Variants in CABP1 observed in about 807,000 individuals in gnomAD.
CABP1 encodes the protein calcium binding protein 1, also known as calcium-binding protein 1.
Under a neutral mutation model 34.3 loss-of-function variants are expected in CABP1, and 17 were observed. The observed-to-expected ratio is 0.50, with a 90% CI of 0.34 to 0.74. The LOEUF (loss-of-function observed/expected upper bound fraction) is 0.74. CABP1 is among the 30% of genes least tolerant of loss of function. The probability of loss-of-function intolerance (pLI) is 0.01; values close to 1 mark genes in which losing one functional copy is unlikely to be tolerated. For missense variants in CABP1, 373 were observed against 511.1 expected (o/e 0.73, Z 2.61); for synonymous variants, 198 against 229.2 (o/e 0.86, Z 1.23).
At chr12:120,647,439 T>A (rs1879590389) in intron 1 of CABP1, among the ~76,000 whole-genome samples, 1 of 151,302 alleles carries the variant, frequency 6.6e-6, no homozygotes, top group Admixed American at 6.6e-5. Flanking sequence ...TCCAGGCTGG[T>A]CTCGAACTCC....
chr12:120,649,231 C>T (rs1036845664), intron 1 of CABP1, among the ~76,000 whole-genome samples: 1 of 152,162 alleles, frequency 6.6e-6, no homozygotes, highest in Non-Finnish European at 1.5e-5. Context: ...GCGCCCCCAC[C>T]CATCTTCCTA....
intron 1 of CABP1, among the ~76,000 whole-genome samples, chr12:120,644,801 C>T (rs1879474238): frequency 6.6e-6 from 1 of 152,126 alleles, no homozygotes; most frequent in African/African-American, 2.4e-5. Context: ...TCCTTAGCTC[C>T]TGTGGTTTGT....
downstream of CABP1, among the ~76,000 whole-genome samples, chr12:120,671,436 C>T (rs564410265): frequency 3.3e-5 from 5 of 152,278 alleles, no homozygotes; most frequent in Admixed American, 2.0e-4. Context: ...GCAAAGGCCC[C>T]GAGGTAAGGG....
At position 120,641,429 on chromosome 12, in the gene CABP1, C is replaced by T. The variant is rs1245971404; in HGVS notation, c.654+90C>T. On this transcript the variant is annotated intron_variant, in intron 1 of 5. Coordinates refer to ENST00000316803, the MANE Select transcript of CABP1 (RefSeq NM_001033677.2). This position sits in a 1 kb window ranked among gnomAD's most constrained non-coding sequence, Gnocchi z 6.7. ...GCGCGTCCACAGCCTCCTCCCGCGG[C>T]CCGTGGTCCCCCACGGATCACGCCT... is the stretch of plus-strand genomic sequence containing the variant. 9.1e-6 allele frequency: 11 copies of T among 1,206,930 alleles called. No homozygotes were observed. The highest frequency in any genetic ancestry group is 6.4e-5 in the East Asian group (2 of 31,300). 74.8% of individuals were successfully genotyped at this position (1,206,930 alleles called of 1,614,324 possible).
chr12:120,648,890 A>G (rs1005355792), intron 1 of CABP1, among the ~76,000 whole-genome samples: 4 of 151,510 alleles, frequency 2.6e-5, no homozygotes, highest in Non-Finnish European at 4.4e-5. Flanking sequence ...AAAAAAAAAA[A>G]AAAAAGAAGC....
chr12:120,655,708 T>C (rs148586612), intron 1 of CABP1: 41 of 1,434,392 alleles, frequency 2.9e-5, no homozygotes, highest in South Asian at 1.5e-5. Flanking sequence ...GAAAGGATGT[T>C]GTCTCATTAG....
At position 120,641,248 on chromosome 12, in the gene CABP1, G is replaced by C; in HGVS notation, c.563G>C (p.Arg188Pro). The C allele has an allele frequency of 7.9e-7, 1 of 1,268,916 alleles. No individual in the cohort carries two copies. Among genetic ancestry groups the C allele is most frequent in the South Asian group, 2.5e-5 (1 of 39,620 alleles). The allele number at this position is 1,268,916 out of a possible 1,614,324, so 78.6% of individuals were successfully genotyped here. The change falls in exon 1 of 6, where the codon CGG (arginine) becomes CCG (proline). Residue 188 changes from arginine to proline, a missense_variant. Physicochemically the swap from Arg to Pro is moderately radical, Grantham distance 103. This residue lies in a region of CABP1 where 121 missense variants were observed against 125.5 expected (regional missense o/e 0.96). Coordinates refer to ENST00000316803, the MANE Select transcript of CABP1 (RefSeq NM_001033677.2). The surrounding 1 kb of genome is among the most constrained non-coding windows in gnomAD (Gnocchi z 6.7). ...GGCCTCCGGGGCTCTCTGCGAGCCC[G>C]GGGCCGCGGGGACTCCGTTCCAGCC... ...ALGLRGSLRA[R>P]GRGDSVPAAA...
At chr12:120,675,953 G>A in the CABP1 span, among the ~76,000 whole-genome samples, 1 of 152,170 alleles carries the variant, frequency 6.6e-6, no homozygotes, top group African/African-American at 2.4e-5. Flanking sequence ...GTGGGCACCT[G>A]TAATTCCAGC....
rs994754471 is a variant in CABP1, at chr12:120,659,884, T to A, written c.661T>A (p.Ser221Thr). ...MLSSAFGQDR[S>T]LRPEEIEELR... Reference sequence around the variant, plus strand: ...ACATGTTCTTTTGTTTCAGGATAGATCACTGCGACCAGAGGAAATTGAAGG... The same window carrying A: ...ACATGTTCTTTTGTTTCAGGATAGAACACTGCGACCAGAGGAAATTGAAGG... The change falls in exon 2 of 6, where the codon TCA becomes ACA. Residue 221 changes from serine (S) to threonine (T), a missense_variant. Physicochemically the swap from Ser to Thr is moderately conservative, Grantham distance 58. This residue lies in a region of CABP1 where 109 missense variants were observed against 204.8 expected (regional missense o/e 0.53). Coordinates refer to ENST00000316803, the MANE Select transcript of CABP1 (RefSeq NM_001033677.2). The A allele has an allele frequency of 6.2e-7, 1 of 1,613,920 alleles. No individual in the cohort carries two copies. The highest frequency in any genetic ancestry group is 1.3e-5 in the African/African-American group (1 of 75,004).
chr12:120,665,651 C>T (rs1427854570), intron 5 of CABP1, among the ~76,000 whole-genome samples: 4 of 151,846 alleles, frequency 2.6e-5, no homozygotes, highest in East Asian at 1.9e-4. Context: ...TATGCGTATG[C>T]GGGGACAGGG....
chr12:120,667,390 C>T, downstream of CABP1: 1 of 170,748 alleles, frequency 5.9e-6, no homozygotes, highest in Non-Finnish European at 1.2e-5. Flanking sequence ...TGAGTACCAA[C>T]TGCATGCCCA....
At position 120,660,589 on chromosome 12, in the gene CABP1, T is replaced by G. The variant is rs1316548543; in HGVS notation, c.830-142T>G. The G allele has an allele frequency of 5.4e-6, 4 of 741,012 alleles. No individual in the cohort carries two copies. In the East Asian group the frequency reaches 7.4e-5, roughly 14 times the overall value. The allele number at this position is 741,012 out of a possible 1,614,324, so 45.9% of individuals were successfully genotyped here. A position where few individuals can be genotyped will look rare whatever the true frequency, so the allele number is the denominator to read the frequency against. On this transcript the variant is annotated intron_variant, in intron 3 of 5. Transcript: ENST00000316803. The surrounding 1 kb of genome is among the most constrained non-coding windows in gnomAD (Gnocchi z 5.0). ...CCAATAACTGGCTCACAGGAAGAAC[T>G]GAACAGAGGGCTCTTGTTATTATTA... is the stretch of plus-strand genomic sequence containing the variant.
Position 120,641,427 on chromosome 12 carries a change from G to T in CABP1, c.654+88G>T. On this transcript the variant is annotated intron_variant, in intron 1 of 5. Coordinates refer to ENST00000316803, the MANE Select transcript of CABP1 (RefSeq NM_001033677.2). The surrounding 1 kb of genome is among the most constrained non-coding windows in gnomAD (Gnocchi z 6.7). ...TTGCGCGTCCACAGCCTCCTCCCGC[G>T]GCCCGTGGTCCCCCACGGATCACGC... 1 of 1,216,708 alleles carries T rather than the reference G, an allele frequency of 8.2e-7. No homozygotes were observed. Among genetic ancestry groups the T allele is most frequent in the Non-Finnish European group, 1.0e-6 (1 of 971,832 alleles). The allele number at this position is 1,216,708 out of a possible 1,614,324, so 75.4% of individuals were successfully genotyped here.
chr12:120,671,823 TTGGGAGGCTGAGG>T (rs1174312696), downstream of CABP1, among the ~76,000 whole-genome samples: 1 of 152,166 alleles, frequency 6.6e-6, no homozygotes, highest in African/African-American at 2.4e-5. Flanking sequence ...TCCCAGTGCT[TTGGGAGGCTGAGG>T]TGGGAGGATC....
rs1881043957 is a variant in CABP1, at chr12:120,667,043, C to T, written c.*143C>T. The T allele has an allele frequency of 2.1e-6, 2 of 944,412 alleles. No individual in the cohort carries two copies. Among genetic ancestry groups the T allele is most frequent in the South Asian group, 2.9e-5 (2 of 67,910 alleles). The allele number at this position is 944,412 out of a possible 1,614,324, so 58.5% of individuals were successfully genotyped here. ...GCCTGCACCCCGGGGAGGCGCCCAC[C>T]CCGGACCCCCACCCCTCCGCACTGT... On this transcript the variant is annotated 3_prime_UTR_variant, in exon 6 of 6. Transcript: ENST00000316803.
chr12:120,676,748 T>TGTGTACTTTAG, the CABP1 span, among the ~76,000 whole-genome samples: 1 of 152,150 alleles, frequency 6.6e-6, no homozygotes, highest in Non-Finnish European at 1.5e-5. Flanking sequence ...TTTCTGAGTA[T>TGTGTACTTTAG]GTGTACTTTA....
At chr12:120,657,777 G>A (rs1437233044) in intron 1 of CABP1, among the ~76,000 whole-genome samples, 1 of 152,204 alleles carries the variant, frequency 6.6e-6, no homozygotes, top group Non-Finnish European at 1.5e-5. Flanking sequence ...TGTACAGGAG[G>A]AACGGAAGGG....
At chr12:120,668,694 G>A (rs1881135509), downstream of CABP1, among the ~76,000 whole-genome samples, 1 of 152,250 alleles carries the variant, frequency 6.6e-6, no homozygotes, top group East Asian at 1.9e-4. Context: ...TCAGACTGCA[G>A]TGGAATCATG....
chr12:120,649,481 T>C (rs924540633), intron 1 of CABP1, among the ~76,000 whole-genome samples: 4 of 152,036 alleles, frequency 2.6e-5, no homozygotes, highest in African/African-American at 7.3e-5. Flanking sequence ...TGAATTCATA[T>C]CAAAGCCGAC....
Sources: gnomAD v4.1 joint callset for allele counts (sites outside exome capture counted in the v4.1 genomes callset) on GRCh38, gnomAD v4.1.1 for gene constraint, gnomAD v4.1.1 regional missense constraint, Gnocchi (gnomAD v3.1) non-coding constraint, MANE v1.5 for transcripts, NCBI Gene and HGNC (gene_info 2026-07-23, HGNC 2026-07-21) for gene names.